Variants in CALN1 observed in about 807,000 individuals in gnomAD.
The protein encoded by CALN1 is calneuron 1, also known as calcium-binding protein 8.
A neutral mutation model predicts 30.6 loss-of-function variants in CALN1; 17 were observed. That is an observed-to-expected ratio of 0.56 (90% confidence interval 0.38 to 0.83). CALN1 has a LOEUF of 0.83. Among genes scored for constraint, CALN1 ranks in the 40% least tolerant of loss-of-function variants. The pLI, the probability that CALN1 is intolerant of heterozygous loss-of-function variation, is 0.00. For missense variants in CALN1, 291 were observed against 354.9 expected, an observed-to-expected ratio of 0.82 and a Z score of 1.45; for synonymous variants, 156 against 131.4, an observed-to-expected ratio of 1.19 and a Z score of -1.28.
chr7:72,463,454 T>C, the CALN1 span, among the ~76,000 whole-genome samples: 1 of 152,170 alleles, frequency 6.6e-6, no homozygotes, highest in African/African-American at 2.4e-5. Flanking sequence ...GGTTTGCATT[T>C]TGAATATCTG....
chr7:72,274,795 T>A (rs1270190286), intron 3 of CALN1, among the ~76,000 whole-genome samples: 1 of 152,158 alleles, frequency 6.6e-6, no homozygotes, highest in African/African-American at 2.4e-5. Context: ...AATGGATGAA[T>A]GAATGAATGA....
intron 2 of CALN1, among the ~76,000 whole-genome samples, chr7:72,403,005 T>C (rs1806444162): frequency 6.6e-6 from 1 of 152,314 alleles, no homozygotes; most frequent in African/African-American, 2.4e-5. Context: ...AAAACAAGCA[T>C]GTCCCTCCCC....
rs1014921912 is a variant in CALN1, at chr7:72,061,815, A to G, written c.389-38046T>C. On this transcript the variant is annotated intron_variant, in intron 4 of 6. Transcript: ENST00000395275. The stretch of plus-strand genomic sequence containing the variant: ...CTGTCTCAAAAAAAAAAAAAAAAAA[A>G]AAAGAAATAAACCAACAGATTCACC... Among the ~76,000 whole-genome samples, 467 of 150,742 alleles carry G rather than the reference A, an allele frequency of 3.1e-3. 1 individual carries two copies. The highest frequency in any genetic ancestry group is 4.2e-3 in the Non-Finnish European group (285 of 67,618).
At chr7:72,057,383 C>CTTTTTTTTTT (rs60838093) in intron 4 of CALN1, among the ~76,000 whole-genome samples, 7 of 101,908 alleles carry the variant, frequency 6.9e-5, no homozygotes, top group East Asian at 2.9e-4. Context: ...TTTAAATGTT[C>CTTTTTTTTTT]TTTTTTTTTT....
At chr7:72,004,451 G>A (rs978134275) in intron 5 of CALN1, among the ~76,000 whole-genome samples, 1 of 152,128 alleles carries the variant, frequency 6.6e-6, no homozygotes, top group East Asian at 1.9e-4. Context: ...AAAAATAGGA[G>A]AAAATCTTCA....
At chr7:72,053,517 A>C (rs1380573078) in intron 4 of CALN1, among the ~76,000 whole-genome samples, 4 of 150,578 alleles carry the variant, frequency 2.7e-5, no homozygotes, top group Non-Finnish European at 5.9e-5. Flanking sequence ...ACTGATTTAC[A>C]CTCCCACCAA....
chr7:71,991,458 CAA>C (rs113140116), intron 5 of CALN1, among the ~76,000 whole-genome samples: 4 of 122,906 alleles, frequency 3.3e-5, no homozygotes, highest in Admixed American at 8.5e-5. Flanking sequence ...GATTCTGTCT[CAA>C]AAAAAAAAAA....
intron 3 of CALN1, among the ~76,000 whole-genome samples, chr7:72,178,340 G>A (rs1348354190): frequency 1.3e-5 from 2 of 152,124 alleles, no homozygotes; most frequent in Non-Finnish European, 2.9e-5. Context: ...GGCTGCACTT[G>A]TGCAAGAGGT....
intron 1 of CALN1, among the ~76,000 whole-genome samples, chr7:72,411,164 C>A (rs934541381): frequency 6.6e-6 from 1 of 152,016 alleles, no homozygotes; most frequent in African/African-American, 2.4e-5. Flanking sequence ...TTGAAAAAAA[C>A]TATCAAAAGG....
chr7:72,177,846 G>C (rs914075418), intron 3 of CALN1, among the ~76,000 whole-genome samples: 1 of 151,392 alleles, frequency 6.6e-6, no homozygotes, highest in Non-Finnish European at 1.5e-5. Context: ...CAGGCTATTT[G>C]CTCCTTATTT....
At position 71,799,455 on chromosome 7, in the gene CALN1, TTAGTTAGTTAG is replaced by T. The variant is rs1562789509; in HGVS notation, c.658+10870_658+10880del. 9.4e-3 allele frequency among the ~76,000 whole-genome samples: 962 copies of T among 102,194 alleles called. 10 individuals carry two copies. The highest frequency in any genetic ancestry group is 0.035 in the African/African-American group (855 of 24,434). 67.0% of individuals were successfully genotyped at this position (102,194 alleles called of 152,430 possible). A position where few individuals can be genotyped will look rare whatever the true frequency, so the allele number is the denominator to read the frequency against. ...TTTATTTATTTATTTATTTATTTAGTTAGTTAGTTAGTTAGTTAGTTAGTTTTTGAGACAGA... is the reference window on the plus strand; with the variant it reads ...TTTATTTATTTATTTATTTATTTAGTTTAGTTAGTTAGTTTTTGAGACAGA... On this transcript the variant is annotated intron_variant, in intron 6 of 6. Coordinates refer to ENST00000395275, the MANE Select transcript of CALN1 (RefSeq NM_031468.4).
chr7:72,004,059 G>T (rs1183698526), intron 5 of CALN1, among the ~76,000 whole-genome samples: 1 of 152,168 alleles, frequency 6.6e-6, no homozygotes, highest in Non-Finnish European at 1.5e-5. Context: ...GAAATACACA[G>T]ATCTTAGAAG....
intron 3 of CALN1, among the ~76,000 whole-genome samples, chr7:72,260,040 T>C (rs1562806453): frequency 6.6e-6 from 1 of 152,176 alleles, no homozygotes; most frequent in Non-Finnish European, 1.5e-5. Context: ...GAGACCAACC[T>C]GGACAACATA....
the CALN1 span, among the ~76,000 whole-genome samples, chr7:72,453,738 G>T: frequency 5.3e-5 from 8 of 152,200 alleles, no homozygotes; most frequent in East Asian, 1.5e-3. Flanking sequence ...ATTCCAAATT[G>T]GAGTGTTCTC....
chr7:72,187,565 G>A (rs926704810), intron 3 of CALN1, among the ~76,000 whole-genome samples: 1 of 152,106 alleles, frequency 6.6e-6, no homozygotes, highest in Non-Finnish European at 1.5e-5. Context: ...AGAATCTAAT[G>A]CCTAATGATC....
intron 2 of CALN1, among the ~76,000 whole-genome samples, chr7:72,345,692 G>C (rs1378596056): frequency 2.0e-5 from 3 of 152,074 alleles, no homozygotes; most frequent in African/African-American, 7.2e-5. Context: ...AACACCCCAG[G>C]GTTTCAGTTG....
intron 2 of CALN1, among the ~76,000 whole-genome samples, chr7:72,346,285 T>C (rs1802635877): frequency 6.6e-6 from 1 of 152,204 alleles, no homozygotes; most frequent in Non-Finnish European, 1.5e-5. Context: ...TCCATTCCTT[T>C]TTCCCAAAGA....
At chr7:71,870,961 C>T (rs1178068490) in intron 5 of CALN1, among the ~76,000 whole-genome samples, 4 of 152,094 alleles carry the variant, frequency 2.6e-5, no homozygotes, top group African/African-American at 7.2e-5. Flanking sequence ...GTGTTTTCTA[C>T]ATATTCAGTT....
At chr7:71,847,917 A>C (rs905479754) in intron 5 of CALN1, among the ~76,000 whole-genome samples, 1 of 151,972 alleles carries the variant, frequency 6.6e-6, no homozygotes, top group Non-Finnish European at 1.5e-5. Context: ...ACCATGTAAG[A>C]AGTGCCTTTT....
Sources: gnomAD v4.1 joint callset for allele counts (sites outside exome capture counted in the v4.1 genomes callset) on GRCh38, gnomAD v4.1.1 for gene constraint, MANE v1.5 for transcripts, NCBI Gene and HGNC (gene_info 2026-07-23, HGNC 2026-07-21) for gene names.